The following CNTLN variants were observed in gnomAD, a reference collection of about 807,000 sequenced individuals.
CNTLN encodes centlein, centrosomal protein.
A neutral mutation model predicts 180.0 loss-of-function variants in CNTLN; 212 were observed. That is an observed-to-expected ratio of 1.18 (90% CI 1.05 to 1.32). CNTLN has a LOEUF of 1.32. Ranked by LOEUF, CNTLN falls within the 40% of genes most tolerant of loss-of-function variation. CNTLN has a pLI of 0.00. For synonymous variants in CNTLN, 722 were observed against 563.1 expected (o/e 1.28, Z -3.99); for missense variants, 2,095 against 1,610.9 (o/e 1.30, Z -5.14).
intron 24 of CNTLN, among the ~76,000 whole-genome samples, chr9:17,485,950 G>A (rs12000328): frequency 0.054 from 8,177 of 152,190 alleles, 470 homozygotes; most frequent in African/African-American, 0.15. Flanking sequence ...CTGTGAATAA[G>A]TGACACCTCT....
At chr9:17,255,886 G>T (rs1043140861) in intron 5 of CNTLN, among the ~76,000 whole-genome samples, 1 of 151,820 alleles carries the variant, frequency 6.6e-6, no homozygotes, top group Non-Finnish European at 1.5e-5. Context: ...TTTCATAAGT[G>T]TGTTTCTAGG....
chr9:17,164,126 A>T (rs1819879799), intron 2 of CNTLN, among the ~76,000 whole-genome samples: 1 of 151,992 alleles, frequency 6.6e-6, no homozygotes, highest in African/African-American at 2.4e-5. Context: ...AGCCTGTCCA[A>T]CATGGCGAAA....
chr9:17,201,732 T>C (rs970845196), intron 2 of CNTLN, among the ~76,000 whole-genome samples: 1 of 152,106 alleles, frequency 6.6e-6, no homozygotes, highest in East Asian at 1.9e-4. Context: ...CTTTTGTTCT[T>C]TATTATTAGT....
intron 6 of CNTLN, among the ~76,000 whole-genome samples, chr9:17,275,209 T>G (rs947626577): frequency 1.3e-5 from 2 of 152,144 alleles, no homozygotes; most frequent in Admixed American, 1.3e-4. Flanking sequence ...TAAAAGTTTC[T>G]GATGCTTTTC....
the CNTLN span, among the ~76,000 whole-genome samples, chr9:17,509,386 GCTT>G: frequency 2.5e-4 from 38 of 152,310 alleles, no homozygotes; most frequent in Admixed American, 2.2e-3. Flanking sequence ...TGCACAAAAT[GCTT>G]CTGCCAAAAC....
chr9:17,448,046 G>A (rs1830548891), intron 18 of CNTLN: 1 of 154,858 alleles, frequency 6.5e-6, no homozygotes, highest in Non-Finnish European at 1.4e-5. Context: ...TTTGTTCCAT[G>A]GGAAAAATGA....
intron 10 of CNTLN, among the ~76,000 whole-genome samples, chr9:17,334,900 A>G: frequency 6.8e-6 from 1 of 148,082 alleles, no homozygotes; most frequent in East Asian, 2.0e-4. Context: ...GTGCTCCCTG[A>G]ATCTAAAATT....
In CNTLN at chr9:17,297,383, T is replaced by C. The variant is rs113194528; in HGVS notation, c.984-807T>C. ...GATAATAAGAGACTACTGTTTATAG[T>C]ATATTTTGATGTAATAGTGCTTTAT... On this transcript the variant is annotated intron_variant, in intron 6 of 25. Transcript: ENST00000380647. Among the ~76,000 whole-genome samples the C allele has an allele frequency of 7.2e-5, 11 of 152,352 alleles. 1 individual carries two copies. Among genetic ancestry groups the C allele is most frequent in the African/African-American group, 2.6e-4 (11 of 41,572 alleles).
At chr9:17,295,183 G>A (rs1817786836) in intron 6 of CNTLN, among the ~76,000 whole-genome samples, 1 of 151,984 alleles carries the variant, frequency 6.6e-6, no homozygotes, top group South Asian at 2.1e-4. Context: ...GGCGCTGCAC[G>A]CAGCCCCAGT....
chr9:17,294,926 G>A (rs1374144331), intron 6 of CNTLN, among the ~76,000 whole-genome samples: 3 of 121,288 alleles, frequency 2.5e-5, no homozygotes, highest in Non-Finnish European at 5.4e-5. Context: ...GGAGTGGGGG[G>A]AGGGCGGGGG....
chr9:17,264,177 G>A (rs2132406246), intron 5 of CNTLN, among the ~76,000 whole-genome samples: 1 of 144,002 alleles, frequency 6.9e-6, no homozygotes, highest in South Asian at 2.4e-4. Flanking sequence ...ATGGTTTTAG[G>A]TCTAACATTT....
At chr9:17,421,222 A>G (rs572337510) in intron 18 of CNTLN, among the ~76,000 whole-genome samples, 5 of 152,210 alleles carry the variant, frequency 3.3e-5, no homozygotes, top group Admixed American at 3.3e-4. Flanking sequence ...AATGCTAACA[A>G]TATTTGCTTT....
chr9:17,324,799 T>C (rs1045583513), intron 8 of CNTLN, among the ~76,000 whole-genome samples: 1 of 152,152 alleles, frequency 6.6e-6, no homozygotes, highest in African/African-American at 2.4e-5. Context: ...ACCATGTAAG[T>C]ATTTAGATAC....
At chr9:17,383,741 C>T (rs1370752643) in intron 13 of CNTLN, among the ~76,000 whole-genome samples, 1 of 151,748 alleles carries the variant, frequency 6.6e-6, no homozygotes, top group African/African-American at 2.4e-5. Flanking sequence ...GGGTTCACGC[C>T]ATTCTCCTGT....
chr9:17,526,935 T>C, the CNTLN span, among the ~76,000 whole-genome samples: 2 of 152,154 alleles, frequency 1.3e-5, no homozygotes, highest in African/African-American at 4.8e-5. Context: ...TGGAGTTCTG[T>C]TGTGCAATCT....
chr9:17,210,333 G>A (rs549239703), intron 2 of CNTLN, among the ~76,000 whole-genome samples: 7 of 152,224 alleles, frequency 4.6e-5, no homozygotes, highest in South Asian at 2.1e-4. Context: ...TTGTCCTTGC[G>A]ATAGTTTGCT....
At chr9:17,266,125 G>A (rs1348467427) in intron 5 of CNTLN, among the ~76,000 whole-genome samples, 2 of 137,300 alleles carry the variant, frequency 1.5e-5, no homozygotes, top group Non-Finnish European at 3.1e-5. Flanking sequence ...TTTTAATTGT[G>A]AAGTTAGGGT....
At chr9:17,200,445 A>G (rs757147606) in intron 2 of CNTLN, among the ~76,000 whole-genome samples, 1 of 152,072 alleles carries the variant, frequency 6.6e-6, no homozygotes, top group Non-Finnish European at 1.5e-5. Context: ...CATTTTTACG[A>G]TATTGATTCT....
At chr9:17,353,597 CGT>C (rs1822553606) in intron 12 of CNTLN, among the ~76,000 whole-genome samples, 1 of 113,530 alleles carries the variant, frequency 8.8e-6, no homozygotes, top group Admixed American at 9.8e-5. Context: ...GTTTTGTTTT[CGT>C]TTTTTTTTTT....
Sources: gnomAD v4.1 joint callset for allele counts (sites outside exome capture counted in the v4.1 genomes callset) on GRCh38, gnomAD v4.1.1 for gene constraint, MANE v1.5 for transcripts, NCBI Gene and HGNC (gene_info 2026-07-23, HGNC 2026-07-21) for gene names.